Variants in FAM83B observed in about 807,000 individuals in gnomAD.
FAM83B encodes scaffolding CK1 anchoring protein B.
In FAM83B, 26 loss-of-function variants were observed where a neutral mutation model predicts 38.8. That is an observed-to-expected ratio of 0.67 (90% CI 0.49 to 0.93). The LOEUF is 0.93. Among genes scored for constraint, FAM83B ranks in the 40% least tolerant of loss-of-function variants. The pLI is 0.00. For synonymous variants in FAM83B, 419 were observed against 423.1 expected (o/e 0.99, Z 0.12); for missense variants, 1,237 against 1,197.3 (o/e 1.03, Z -0.49).
intron 2 of FAM83B, among the ~76,000 whole-genome samples, chr6:54,910,494 G>T (rs1431167547): frequency 6.6e-6 from 1 of 152,076 alleles, no homozygotes; most frequent in Non-Finnish European, 1.5e-5. Flanking sequence ...CTTCCTTGCT[G>T]CCTGCCTTTC....
At position 54,943,594 on chromosome 6, in the gene FAM83B, A is replaced by C. The variant is rs1175622652; in HGVS notation, c.*1587A>C. Reference sequence around the variant, plus strand: ...GGTATAAAATATCTATATCATTAAAATAATTTTCCATAGTGTTTAGAAACC... The same window carrying C: ...GGTATAAAATATCTATATCATTAAACTAATTTTCCATAGTGTTTAGAAACC... On this transcript the variant is annotated 3_prime_UTR_variant, in exon 5 of 5. Coordinates refer to ENST00000306858, the MANE Select transcript of FAM83B (RefSeq NM_001010872.3). 6.6e-6 allele frequency: 1 copy of C among 152,208 alleles called. No individual in the cohort carries two copies. Among genetic ancestry groups the C allele is most frequent in the Non-Finnish European group, 1.5e-5 (1 of 68,042 alleles). The allele number at this position is 152,208 out of a possible 1,614,324, so 9.4% of individuals were successfully genotyped here. A position where few individuals can be genotyped will look rare whatever the true frequency, so the allele number is the denominator to read the frequency against.
rs761534241 is a variant in FAM83B at position 54,940,521 on chromosome 6, G to A, written c.1550G>A (p.Gly517Asp). ...CCGGACTCAAATGGATCAGCTTTAG[G>A]TGACCGATTTGAGGGCTATGATAAT... Reference protein sequence around the residue: ...ATPDSNGSALGDRFEGYDNPE... With the variant: ...ATPDSNGSALDDRFEGYDNPE... Residue 517 changes from glycine to aspartate, a missense_variant, in exon 5 of 5, where the codon GGT becomes GAT. Transcript: ENST00000306858. 1.2e-6 allele frequency: 2 copies of A among 1,613,998 alleles called. No homozygotes were observed. The highest frequency in any genetic ancestry group is 2.2e-5 in the South Asian group (2 of 91,074).
At chr6:54,864,460 C>A (rs919178915) in intron 1 of FAM83B, among the ~76,000 whole-genome samples, 3 of 152,112 alleles carry the variant, frequency 2.0e-5, no homozygotes, top group African/African-American at 7.2e-5. Flanking sequence ...CTGAGTGCGT[C>A]ATGTATTTAT....
chr6:54,940,816 G>C lies in FAM83B; in HGVS notation c.1845G>C (p.Gln615His). Residue 615 changes from glutamine to histidine, a missense_variant, in exon 5 of 5, where the codon CAG (glutamine) becomes CAC (histidine). Coordinates refer to ENST00000306858, the MANE Select transcript of FAM83B (RefSeq NM_001010872.3). ...QSEAPKMHTLQVPENHSVALN... is the reference protein window; with the variant it reads ...QSEAPKMHTLHVPENHSVALN... ...AGGCACCAAAAATGCACACCTTGCA[G>C]GTTCCTGAAAACCACTCAGTAGCCT... 6.2e-7 allele frequency: 1 copy of C among 1,614,008 alleles called. No homozygotes were observed. The highest frequency in any genetic ancestry group is 8.5e-7 in the Non-Finnish European group (1 of 1,179,996).
intron 1 of FAM83B, among the ~76,000 whole-genome samples, chr6:54,850,888 G>A (rs917755865): frequency 1.2e-4 from 18 of 151,684 alleles, no homozygotes; most frequent in African/African-American, 3.9e-4. Context: ...GCGTGGTGGC[G>A]GGTGCCTGTA....
intron 2 of FAM83B, among the ~76,000 whole-genome samples, chr6:54,890,615 C>T (rs1772378575): frequency 6.6e-6 from 1 of 151,938 alleles, no homozygotes; most frequent in South Asian, 2.1e-4. Context: ...TGTGAAATAT[C>T]TCAACTTCAA....
Position 54,926,521 on chromosome 6 carries a change from G to T in FAM83B, c.595G>T (p.Val199Phe), listed in dbSNP as rs1338715680. ...LNMTEKQGCS[V>F]QRLRNIRVRT... ...TATGACTGAGAAACAAGGTTGTTCA[G>T]TTCAGCGTCTCAGGGTAAGAATTCT... The change falls in exon 3 of 5, where the codon GTT (valine) becomes TTT (phenylalanine). Residue 199 changes from valine to phenylalanine, a missense_variant. Coordinates refer to ENST00000306858, the MANE Select transcript of FAM83B (RefSeq NM_001010872.3). 6.3e-7 allele frequency: 1 copy of T among 1,577,850 alleles called. No homozygotes were observed. The highest frequency in any genetic ancestry group is 2.2e-5 in the East Asian group (1 of 44,500).
In FAM83B at chr6:54,941,214, A is replaced by C; in HGVS notation, c.2243A>C (p.Lys748Thr). 1 of 1,613,972 alleles carries C rather than the reference A, an allele frequency of 6.2e-7. No homozygotes were observed. Among genetic ancestry groups the C allele is most frequent in the Non-Finnish European group, 8.5e-7 (1 of 1,179,966 alleles). ...ATTGCTGCTTTACTTGATGTGAATAAAGAGGAATCTAACAAAGAACTTGCT... is the reference window on the plus strand; with the variant it reads ...ATTGCTGCTTTACTTGATGTGAATACAGAGGAATCTAACAAAGAACTTGCT... Reference protein sequence around the residue: ...VSIAALLDVNKEESNKELASK... With the variant: ...VSIAALLDVNTEESNKELASK... Residue 748 changes from lysine to threonine, a missense_variant, in exon 5 of 5, where the codon AAA becomes ACA. Physicochemically the swap from Lys to Thr is moderately conservative, Grantham distance 78. Coordinates refer to ENST00000306858, the MANE Select transcript of FAM83B (RefSeq NM_001010872.3).
intron 2 of FAM83B, among the ~76,000 whole-genome samples, chr6:54,895,772 G>A (rs572725870): frequency 7.0e-4 from 107 of 151,986 alleles, no homozygotes; most frequent in Middle Eastern, 6.8e-3. Flanking sequence ...ATGGCGTCTC[G>A]CTCTGTTACC....
intron 2 of FAM83B, among the ~76,000 whole-genome samples, chr6:54,896,000 T>C (rs239851): frequency 0.23 from 34,883 of 152,172 alleles, 5,115 homozygotes; most frequent in African/African-American, 0.41. Flanking sequence ...CAAGCTGTTC[T>C]CCTGCCTCAG....
At chr6:54,929,635 T>C (rs9475072) in intron 4 of FAM83B, among the ~76,000 whole-genome samples, 4,492 of 152,234 alleles carry the variant, frequency 0.03, 232 homozygotes, top group African/African-American at 0.1. Flanking sequence ...TTGGCTGAAG[T>C]TGGCACCTCT....
At chr6:54,866,711 C>T (rs1202823020) in intron 1 of FAM83B, among the ~76,000 whole-genome samples, 1 of 152,026 alleles carries the variant, frequency 6.6e-6, no homozygotes, top group East Asian at 1.9e-4. Flanking sequence ...CATTGTCAGG[C>T]TATTATGAAT....
At chr6:54,938,368 T>C (rs1029483665) in intron 4 of FAM83B, among the ~76,000 whole-genome samples, 3 of 152,224 alleles carry the variant, frequency 2.0e-5, no homozygotes, top group Non-Finnish European at 2.9e-5. Context: ...CTTCTTTTCC[T>C]CTGGGTAGAT....
intron 1 of FAM83B, among the ~76,000 whole-genome samples, chr6:54,855,353 T>C (rs544685552): frequency 6.6e-6 from 1 of 152,290 alleles, no homozygotes; most frequent in Non-Finnish European, 1.5e-5. Flanking sequence ...TTACAGCATA[T>C]GGCTACAATT....
intron 2 of FAM83B, among the ~76,000 whole-genome samples, chr6:54,889,872 T>TA (rs1167781896): frequency 6.6e-6 from 1 of 152,074 alleles, no homozygotes; most frequent in Non-Finnish European, 1.5e-5. Flanking sequence ...TTTAAAGCCT[T>TA]AAAAAATTAG....
At chr6:54,859,479 A>G (rs972516172) in intron 1 of FAM83B, among the ~76,000 whole-genome samples, 2 of 152,220 alleles carry the variant, frequency 1.3e-5, no homozygotes, top group African/African-American at 4.8e-5. Context: ...TTTAACAATT[A>G]TGTACTTACT....
chr6:54,917,341 G>A (rs984975425), intron 2 of FAM83B, among the ~76,000 whole-genome samples: 3 of 152,130 alleles, frequency 2.0e-5, no homozygotes, highest in African/African-American at 4.8e-5. Context: ...TGTTTAGAAA[G>A]ATCAGATATG....
chr6:54,939,920 T>G lies in FAM83B; in HGVS notation c.949T>G (p.Ser317Ala), dbSNP rs1310413753. The G allele has an allele frequency of 1.2e-6, 2 of 1,613,938 alleles. No individual in the cohort carries two copies. Among genetic ancestry groups the G allele is most frequent in the Non-Finnish European group, 8.5e-7 (1 of 1,179,994 alleles). ...TTCGGTGTCTTCATTAGCATCTGTT[T>G]CCAGCCAGAGAAACCTTTTTGGTAG... ...QHSVSSLASV[S>A]SQRNLFGRQD... Residue 317 changes from serine to alanine, a missense_variant, in exon 5 of 5, where the codon TCC (serine) becomes GCC (alanine). Ser to Ala is a moderately conservative substitution (Grantham distance 99). Transcript: ENST00000306858.
In FAM83B at chr6:54,942,173, G is replaced by T. The variant is rs964005956; in HGVS notation, c.*166G>T. Among the ~76,000 whole-genome samples the T allele has an allele frequency of 2.0e-5, 3 of 152,032 alleles. No individual in the cohort carries two copies. The highest frequency in any genetic ancestry group is 2.0e-4 in the Admixed American group (3 of 15,258). On this transcript the variant is annotated 3_prime_UTR_variant, in exon 5 of 5. Coordinates refer to ENST00000306858, the MANE Select transcript of FAM83B (RefSeq NM_001010872.3). ...TTATTTTTCTGTGTGATAAAGTTAG[G>T]GTCTGCTGTAGATAGAATTTCTCTG...
Sources: allele counts gnomAD v4.1 joint callset (sites outside exome capture counted in the v4.1 genomes callset), GRCh38; gene constraint gnomAD v4.1.1; transcripts MANE v1.5; gene names NCBI Gene and HGNC (gene_info 2026-07-23, HGNC 2026-07-21).